C2CD3: variants seen among roughly 807,000 people sequenced by gnomAD.
C2CD3 encodes C2 domain containing 3 centriole elongation regulator.
In C2CD3, 148 loss-of-function variants were observed where a neutral mutation model predicts 234.0. The ratio of observed to expected loss-of-function variants is 0.63; its 90% CI spans 0.55 to 0.72. C2CD3 has a LOEUF of 0.72. C2CD3 is among the 30% of genes least tolerant of loss of function. C2CD3 has a pLI of 0.00. For synonymous variants in C2CD3, 1,000 were observed against 1,035.4 expected (o/e 0.97, Z 0.66); for missense variants, 2,577 against 2,811.5 (o/e 0.92, Z 1.89).
rs1272925423 is a variant in C2CD3 at position 74,028,364 on chromosome 11, G to A, written c.6844C>T (p.Pro2282Ser). The A allele has an allele frequency of 6.5e-7, 1 of 1,535,886 alleles. No homozygotes were observed. The highest frequency in any genetic ancestry group is 8.7e-7 in the Non-Finnish European group (1 of 1,146,804). The change falls in exon 32 of 33, where the codon CCT becomes TCT. Residue 2282 changes from proline to serine, a missense_variant. By Grantham distance (74) the Pro-to-Ser change is moderately conservative (BLOSUM62 -1). Transcript: ENST00000334126. ...AGGGAAGCCTCCAACTGCTGGGGAGGCAAAAAGAAGTTGGGCACCACAATG... is the reference window on the plus strand; with the variant it reads ...AGGGAAGCCTCCAACTGCTGGGGAGACAAAAAGAAGTTGGGCACCACAATG... Reference protein sequence around the residue: ...GPIVVPNFFLPPQQLEASLRM... With the variant: ...GPIVVPNFFLSPQQLEASLRM...
chr11:74,150,225 C>A (rs934725253), intron 3 of C2CD3, among the ~76,000 whole-genome samples: 1 of 151,298 alleles, frequency 6.6e-6, no homozygotes, highest in Non-Finnish European at 1.5e-5. Flanking sequence ...CGCCTGTAAT[C>A]CTAGCACTTT....
chr11:74,081,648 C>T (rs1398805870), intron 22 of C2CD3, among the ~76,000 whole-genome samples: 2 of 152,150 alleles, frequency 1.3e-5, no homozygotes, highest in Admixed American at 1.3e-4. Context: ...TCATCATCAC[C>T]ACCATCTTTC....
chr11:74,082,308 G>A (rs560561176), intron 22 of C2CD3, among the ~76,000 whole-genome samples: 4 of 152,088 alleles, frequency 2.6e-5, no homozygotes, highest in East Asian at 1.9e-4. Context: ...GTAGAGATGG[G>A]GTTTCACCTT....
At chr11:74,028,244 A>C (rs769911085) in intron 32 of C2CD3, 43 bp downstream of exon 32, 1 of 1,347,102 alleles carries the variant, frequency 7.4e-7, no homozygotes, top group South Asian at 1.3e-5. Context: ...TGTGGAAGAG[A>C]TGATGACTCT....
At chr11:74,125,230 T>TGAGCTG (rs1365804656) in intron 7 of C2CD3, among the ~76,000 whole-genome samples, 1 of 152,178 alleles carries the variant, frequency 6.6e-6, no homozygotes, top group African/African-American at 2.4e-5. Context: ...ACTGGTGTGA[T>TGAGCTG]CATAGCTCAC....
chr11:74,159,942 T>G (rs1856336902), intron 3 of C2CD3, among the ~76,000 whole-genome samples: 1 of 152,232 alleles, frequency 6.6e-6, no homozygotes, highest in Non-Finnish European at 1.5e-5. Flanking sequence ...TTATCTTCTA[T>G]ACTGATATCT....
chr11:74,114,729 T>G (rs1219422359), intron 9 of C2CD3, 136 bp from the exon 10 acceptor site: 13 of 630,706 alleles, frequency 2.1e-5, no homozygotes, highest in Non-Finnish European at 3.6e-5. Context: ...TGACACAGGG[T>G]GTTGCTCTGT....
chr11:74,037,163 T>C lies in C2CD3; in HGVS notation c.5881+315A>G, dbSNP rs532975786. On this transcript the variant is annotated intron_variant, in intron 30 of 32. Coordinates refer to ENST00000334126, the MANE Select transcript of C2CD3 (RefSeq NM_001286577.2). The stretch of plus-strand genomic sequence containing the variant: ...GAACCACTCATCTAATCTACCCCAC[T>C]CTTTTCTTGGCTGGGGAAACTGAAG... Among the ~76,000 whole-genome samples the C allele has an allele frequency of 4.6e-5, 7 of 152,254 alleles. No individual in the cohort carries two copies. The South Asian group carries it at 1.5e-3, about 32-fold the overall frequency.
chr11:74,093,859 C>A lies in C2CD3; in HGVS notation c.3301G>T (p.Gly1101Cys). 1 of 1,614,058 alleles carries A rather than the reference C, an allele frequency of 6.2e-7. No homozygotes were observed. ...RLLLSAFSAQ[G>C]LVPGGGVQFE... is the part of the protein sequence containing the mutation. ...TGGACTCCACCTCCAGGCACGAGGC[C>A]CTGTGCAGAGAAAGCACTTAGTAGG... Residue 1101 changes from glycine (G) to cysteine (C), a missense_variant, in exon 18 of 33, where the codon GGC (glycine) becomes TGC (cysteine). Coordinates refer to ENST00000334126, the MANE Select transcript of C2CD3 (RefSeq NM_001286577.2).
In C2CD3 at chr11:74,138,700, G is replaced by T; in HGVS notation, c.955+20C>A. The T allele has an allele frequency of 6.2e-7, 1 of 1,603,448 alleles. No individual in the cohort carries two copies. The highest frequency in any genetic ancestry group is 8.5e-7 in the Non-Finnish European group (1 of 1,170,830). On this transcript the variant is annotated intron_variant, in intron 5 of 32. Coordinates refer to ENST00000334126, the MANE Select transcript of C2CD3 (RefSeq NM_001286577.2). The stretch of plus-strand genomic sequence containing the variant: ...CATAAACGTAGTTTAGTCTGACTCA[G>T]TTCACAAATACATACATACCTGAAA...
At position 74,059,147 on chromosome 11, in the gene C2CD3, G is replaced by A. The variant is rs534965950; in HGVS notation, c.4952-1603C>T. On this transcript the variant is annotated intron_variant, in intron 24 of 32. Transcript: ENST00000334126. ...CTAAACATAATCGACATGCTCCAGGGAACAGATTCTGTATGTGTATTCTAA... is the reference window on the plus strand; with the variant it reads ...CTAAACATAATCGACATGCTCCAGGAAACAGATTCTGTATGTGTATTCTAA... Among the ~76,000 whole-genome samples the A allele has an allele frequency of 7.9e-5, 12 of 152,196 alleles. No homozygotes were observed. The South Asian group carries it at 2.1e-3, about 26-fold the overall frequency.
intron 28 of C2CD3, among the ~76,000 whole-genome samples, chr11:74,045,609 T>C (rs1953332891): frequency 6.6e-6 from 1 of 152,132 alleles, no homozygotes; most frequent in African/African-American, 2.4e-5. Flanking sequence ...TCTTACTCTG[T>C]TGCCTAGGCT....
intron 8 of C2CD3, among the ~76,000 whole-genome samples, chr11:74,120,800 C>T (rs1374419107): frequency 6.6e-6 from 1 of 152,104 alleles, no homozygotes. Flanking sequence ...TGAAGTTTAT[C>T]AGATGGCTAA....
intron 24 of C2CD3, among the ~76,000 whole-genome samples, chr11:74,060,846 C>T (rs748624552): frequency 2.0e-5 from 3 of 152,136 alleles, no homozygotes; most frequent in East Asian, 1.9e-4. Flanking sequence ...GGAGGATGTT[C>T]GAACCCATTG....
At chr11:74,156,856 A>G (rs2135564460) in intron 3 of C2CD3, among the ~76,000 whole-genome samples, 1 of 152,340 alleles carries the variant, frequency 6.6e-6, no homozygotes, top group African/African-American at 2.4e-5. Context: ...CTGTAGTCCC[A>G]GCTACGCTGG....
intron 2 of C2CD3, 23 bp downstream of exon 2, chr11:74,168,321 G>A: frequency 6.3e-7 from 1 of 1,594,152 alleles, no homozygotes. Flanking sequence ...GTCTGCAGGT[G>A]CAATGATAAA....
At chr11:74,114,688 C>G (rs1376563697) in intron 9 of C2CD3, 95 bp from the exon 10 acceptor site, 2 of 810,184 alleles carry the variant, frequency 2.5e-6, no homozygotes, top group African/African-American at 3.5e-5. Flanking sequence ...AAAGGGAGGG[C>G]AGCAAGTTTT....
chr11:74,046,277 T>C (rs965173002), intron 28 of C2CD3, among the ~76,000 whole-genome samples: 1 of 152,228 alleles, frequency 6.6e-6, no homozygotes, highest in African/African-American at 2.4e-5. Context: ...ACCACTGATT[T>C]GCTTTCTGTC....
intron 29 of C2CD3, among the ~76,000 whole-genome samples, chr11:74,039,816 G>C (rs1476435111): frequency 3.9e-5 from 6 of 152,202 alleles, no homozygotes; most frequent in Non-Finnish European, 8.8e-5. Flanking sequence ...TGCCAAAGTT[G>C]AGAGAAACTA....
Sources: gnomAD v4.1 joint callset for allele counts (sites outside exome capture counted in the v4.1 genomes callset) on GRCh38, gnomAD v4.1.1 for gene constraint, MANE v1.5 for transcripts, NCBI Gene and HGNC (gene_info 2026-07-23, HGNC 2026-07-21) for gene names.